SCAP: variants seen among roughly 807,000 people sequenced by gnomAD.
SCAP encodes sterol regulatory element-binding protein cleavage-activating protein.
A neutral mutation model predicts 123.6 loss-of-function variants in SCAP; 65 were observed. That is an observed-to-expected ratio of 0.53 (90% confidence interval 0.43 to 0.65). The LOEUF (loss-of-function observed/expected upper bound fraction) is 0.65, where lower values mean the gene tolerates loss of function less well. Among genes scored for constraint, SCAP ranks in the 30% least tolerant of loss-of-function variants. SCAP has a pLI of 0.00. For missense variants in SCAP, 1,398 were observed against 1,712.5 expected, an observed-to-expected ratio of 0.82 and a Z score of 3.24; for synonymous variants, 740 against 726.3, an observed-to-expected ratio of 1.02 and a Z score of -0.30.
rs1451296193 is a variant in SCAP, at chr3:47,420,730, G to A, written c.1387C>T (p.Pro463Ser). 6.2e-6 allele frequency: 10 copies of A among 1,610,100 alleles called. No individual in the cohort carries two copies. In the Admixed American group the frequency reaches 1.7e-4, roughly 27 times the overall value. ...NKRLPPEACL[P>S]SAKPVGQPTR... ...GGCTGTCCCACTGGCTTGGCTGAGGGCAGGCAGGCCTCAGGGGGCAGTCGC... is the reference window on the plus strand; with the variant it reads ...GGCTGTCCCACTGGCTTGGCTGAGGACAGGCAGGCCTCAGGGGGCAGTCGC... Residue 463 changes from proline (P) to serine (S), a missense_variant, in exon 12 of 23, where the codon CCC becomes TCC. Coordinates refer to ENST00000265565, the MANE Select transcript of SCAP (RefSeq NM_012235.4). This position sits in a 1 kb window ranked among gnomAD's most constrained non-coding sequence, Gnocchi z 5.0.
intron 1 of SCAP, among the ~76,000 whole-genome samples, chr3:47,459,207 C>A (rs1208020737): frequency 6.6e-6 from 1 of 152,246 alleles, no homozygotes; most frequent in Non-Finnish European, 1.5e-5. Flanking sequence ...TCAGCCTCCA[C>A]TCCAGCAGGT....
chr3:47,467,109 A>G (rs1418612610), intron 1 of SCAP, among the ~76,000 whole-genome samples: 1 of 152,010 alleles, frequency 6.6e-6, no homozygotes, highest in East Asian at 1.9e-4. Context: ...GAAAAAAAAA[A>G]AAAAGTTAAA....
Position 47,415,112 on chromosome 3 carries a change from G to T in SCAP, c.3125C>A (p.Pro1042His), listed in dbSNP as rs946595682. The change falls in exon 19 of 23, where the codon CCC (proline) becomes CAC (histidine). Residue 1042 changes from proline to histidine, a missense_variant. Coordinates refer to ENST00000265565, the MANE Select transcript of SCAP (RefSeq NM_012235.4). Reference protein sequence around the residue: ...FSLETHTALSPLQFRGTPGRG... With the variant: ...FSLETHTALSHLQFRGTPGRG... ...GGCCCTCCGACCTCTAAACTGCAGG[G>T]GGCTGAGGGCAGTGTGGGTCTCCAA... 3.7e-6 allele frequency: 6 copies of T among 1,611,426 alleles called. No individual in the cohort carries two copies. The highest frequency in any genetic ancestry group is 4.2e-6 in the Non-Finnish European group (5 of 1,179,170).
intron 3 of SCAP, among the ~76,000 whole-genome samples, chr3:47,434,084 ATAGTTGTGCCACAGACC>A (rs1706472882): frequency 6.6e-6 from 1 of 152,210 alleles, no homozygotes. Flanking sequence ...GACACCATGT[ATAGTTGTGCCACAGACC>A]TATCTTGCCA....
chr3:47,414,494 C>T, intron 21 of SCAP, 78 bp downstream of exon 21: 1 of 1,601,418 alleles, frequency 6.2e-7, no homozygotes, highest in Non-Finnish European at 8.5e-7. Flanking sequence ...CTGGAAGGCC[C>T]CTGGGGACCA....
At chr3:47,458,257 C>T (rs890897500) in intron 1 of SCAP, among the ~76,000 whole-genome samples, 8 of 152,136 alleles carry the variant, frequency 5.3e-5, no homozygotes, top group South Asian at 2.1e-4. Context: ...CAGTGAAACC[C>T]CGTCTCTACT....
intron 3 of SCAP, 102 bp from the exon 4 acceptor site, chr3:47,428,772 C>T: frequency 7.6e-7 from 1 of 1,314,694 alleles, no homozygotes; most frequent in Non-Finnish European, 1.1e-6. Context: ...CCGTGCCCCA[C>T]AGAGTTAAAG....
At chr3:47,447,384 C>A (rs1707083363) in intron 1 of SCAP, among the ~76,000 whole-genome samples, 1 of 151,706 alleles carries the variant, frequency 6.6e-6, no homozygotes, top group Non-Finnish European at 1.5e-5. Flanking sequence ...CAGACTGTGA[C>A]TCCGTCTCAA....
At position 47,435,018 on chromosome 3, in the gene SCAP, T is replaced by G; in HGVS notation, c.242A>C (p.Gln81Pro). 6.2e-7 allele frequency: 1 copy of G among 1,614,156 alleles called. No homozygotes were observed. Among genetic ancestry groups the G allele is most frequent in the Non-Finnish European group, 8.5e-7 (1 of 1,179,992 alleles). ...ATGACGAGTACCCACCCACTCAGGCTGCTCAGTAGGCTCTCCTTGTTTGCG... is the reference window on the plus strand; with the variant it reads ...ATGACGAGTACCCACCCACTCAGGCGGCTCAGTAGGCTCTCCTTGTTTGCG... ...SDRKQGEPTE[Q>P]PEWYVGAPVA... The change falls in exon 3 of 23, where the codon CAG becomes CCG. Residue 81 changes from glutamine (Q) to proline (P), a missense_variant. Gln to Pro is a moderately conservative substitution (Grantham distance 76). This residue lies in a region of SCAP where 319 missense variants were observed against 432.4 expected (regional missense o/e 0.74). Coordinates refer to ENST00000265565, the MANE Select transcript of SCAP (RefSeq NM_012235.4).
chr3:47,437,597 T>C (rs1028795959), intron 2 of SCAP, among the ~76,000 whole-genome samples: 2 of 149,596 alleles, frequency 1.3e-5, no homozygotes, highest in Admixed American at 1.3e-4. Context: ...AATACAAAAG[T>C]TAGCCAGGCA....
intron 18 of SCAP, among the ~76,000 whole-genome samples, chr3:47,416,917 C>T (rs1705604772): frequency 6.6e-6 from 1 of 151,932 alleles, no homozygotes; most frequent in African/African-American, 2.4e-5. Flanking sequence ...TGAGCCACCG[C>T]GCCCGGCCAC....
chr3:47,440,621 G>A (rs1453842836), intron 2 of SCAP, among the ~76,000 whole-genome samples: 12 of 152,274 alleles, frequency 7.9e-5, no homozygotes, highest in Middle Eastern at 3.4e-3. Flanking sequence ...CTGTAATCCC[G>A]ACACTTTGGG....
intron 1 of SCAP, among the ~76,000 whole-genome samples, chr3:47,457,087 A>C (rs1707455534): frequency 6.6e-6 from 1 of 152,206 alleles, no homozygotes; most frequent in Admixed American, 6.6e-5. Context: ...GCAAGGGAGC[A>C]GTGTCCTACT....
rs567568203 is a variant in SCAP at position 47,417,269 on chromosome 3, C to G, written c.2970+35G>C. 7.1e-5 allele frequency: 114 copies of G among 1,611,980 alleles called. No homozygotes were observed. In the South Asian group the frequency reaches 1.0e-3, roughly 14 times the overall value. ...AAAGGCCCACAATCCCCGGGGCGGACAGCCGCTCTGCCCACCTTTAGCCCC... is the reference window on the plus strand; with the variant it reads ...AAAGGCCCACAATCCCCGGGGCGGAGAGCCGCTCTGCCCACCTTTAGCCCC... On this transcript the variant is annotated intron_variant, in intron 17 of 22. Transcript: ENST00000265565.
rs762408827 is a variant in SCAP at position 47,420,728 on chromosome 3, G to A, written c.1389C>T (p.Pro463=). ...TTGGCTGTCCCACTGGCTTGGCTGA[G>A]GGCAGGCAGGCCTCAGGGGGCAGTC... The part of the protein sequence containing the change: ...NKRLPPEACL[P]SAKPVGQPTR... The change falls in exon 12 of 23, where the codon CCC becomes CCT. Residue 463 remains proline (P), a synonymous_variant. Coordinates refer to ENST00000265565, the MANE Select transcript of SCAP (RefSeq NM_012235.4). The surrounding 1 kb of genome is among the most constrained non-coding windows in gnomAD (Gnocchi z 5.0). 1.2e-6 allele frequency: 2 copies of A among 1,611,052 alleles called. No homozygotes were observed. Among genetic ancestry groups the A allele is most frequent in the African/African-American group, 1.3e-5 (1 of 74,978 alleles).
chr3:47,453,385 A>G (rs1707293699), intron 1 of SCAP, among the ~76,000 whole-genome samples: 1 of 52,366 alleles, frequency 1.9e-5, no homozygotes, highest in Non-Finnish European at 4.2e-5. Flanking sequence ...TCTTTAAAAA[A>G]AATTTTTAAT....
rs374695635 is a variant in SCAP, at chr3:47,413,830, T to C, written c.*24A>G. On this transcript the variant is annotated 3_prime_UTR_variant, in exon 23 of 23. Transcript: ENST00000265565. ...GCCCCCACACAGCACCCCAGCCTCC[T>C]GCCTGGGCAAGGAGGCCCTGCGCTC... is the stretch of plus-strand genomic sequence containing the variant. 2.2e-4 allele frequency: 345 copies of C among 1,604,560 alleles called. No homozygotes were observed. Among genetic ancestry groups the C allele is most frequent in the Non-Finnish European group, 2.6e-4 (305 of 1,174,590 alleles).
At position 47,415,138 on chromosome 3, in the gene SCAP, G is replaced by A. The variant is rs1192862179; in HGVS notation, c.3099C>T (p.Ser1033=). The change falls in exon 19 of 23, where the codon TCC becomes TCT. Residue 1033 remains serine, a synonymous_variant. Transcript: ENST00000265565. ...ARLNGSLDFF[S]LETHTALSPL... ...GGCTGAGGGCAGTGTGGGTCTCCAA[G>A]GAGAAGAAATCAAGGGAACCGTTGA... is the stretch of plus-strand genomic sequence containing the variant. 5 of 1,612,386 alleles carry A rather than the reference G, an allele frequency of 3.1e-6. No individual in the cohort carries two copies. The highest frequency in any genetic ancestry group is 4.2e-6 in the Non-Finnish European group (5 of 1,179,582).
Position 47,454,410 on chromosome 3 carries a change from T to C in SCAP, c.-98-11319A>G, listed in dbSNP as rs1039076959. 8.6e-5 allele frequency among the ~76,000 whole-genome samples: 13 copies of C among 151,626 alleles called. No homozygotes were observed. In the Middle Eastern group the frequency reaches 0.01, roughly 120 times the overall value. On this transcript the variant is annotated intron_variant, in intron 1 of 22. Transcript: ENST00000265565. Reference sequence around the variant, plus strand: ...CAGATGCTTAGTAGATATGTGTACGTTGATTTACATACATACATAAATACA... The same window carrying C: ...CAGATGCTTAGTAGATATGTGTACGCTGATTTACATACATACATAAATACA...
Sources: allele counts gnomAD v4.1 joint callset (sites outside exome capture counted in the v4.1 genomes callset), GRCh38; gene constraint gnomAD v4.1.1; regional missense constraint gnomAD v4.1.1; non-coding constraint Gnocchi (gnomAD v3.1); transcripts MANE v1.5; gene names NCBI Gene and HGNC (gene_info 2026-07-23, HGNC 2026-07-21).